The following FLT3 variants were observed in gnomAD, a reference collection of about 807,000 sequenced individuals.
FLT3 encodes the protein fms related receptor tyrosine kinase 3.
Under a neutral mutation model 126.6 loss-of-function variants are expected in FLT3, and 46 were observed. That is an observed-to-expected ratio of 0.36 (90% CI 0.29 to 0.46). The LOEUF (loss-of-function observed/expected upper bound fraction) is 0.46, where lower values mean the gene tolerates loss of function less well. Ranked by LOEUF, FLT3 falls within the 20% of genes least tolerant of loss-of-function variation. FLT3 has a pLI of 1.00. For missense variants in FLT3, 1,069 were observed against 1,190.3 expected (o/e 0.90, Z 1.50); for synonymous variants, 404 against 434.4 (o/e 0.93, Z 0.87).
intron 1 of FLT3, among the ~76,000 whole-genome samples, chr13:28,091,555 G>C (rs1411883887): frequency 6.6e-6 from 1 of 152,062 alleles, no homozygotes; most frequent in African/African-American, 2.4e-5. Flanking sequence ...GAGGGCAGTA[G>C]ACTGGGTAAC....
intron 18 of FLT3, among the ~76,000 whole-genome samples, chr13:28,024,295 C>T (rs1235313923): frequency 6.6e-6 from 1 of 152,036 alleles, no homozygotes; most frequent in Non-Finnish European, 1.5e-5. Context: ...CCATACCCAG[C>T]TAATTTTTGT....
At chr13:28,016,637 C>T (rs1291922352) in intron 20 of FLT3, among the ~76,000 whole-genome samples, 2 of 152,168 alleles carry the variant, frequency 1.3e-5, no homozygotes, top group African/African-American at 4.8e-5. Context: ...CATGCTTAAT[C>T]AGCCAAGTAA....
At chr13:28,010,516 A>T (rs1033760402) in intron 23 of FLT3, among the ~76,000 whole-genome samples, 1 of 152,218 alleles carries the variant, frequency 6.6e-6, no homozygotes, top group Non-Finnish European at 1.5e-5. Context: ...ATGTTTGTCC[A>T]TCCTAAAAAT....
chr13:28,036,114 T>C, intron 10 of FLT3, 71 bp from the exon 11 acceptor site: 7 of 1,303,880 alleles, frequency 5.4e-6, no homozygotes, highest in Non-Finnish European at 7.8e-6. Context: ...TACCAATACT[T>C]TGTGAAGCCA....
chr13:28,015,185 C>T lies in FLT3; in HGVS notation c.2725G>A (p.Asp909Asn), dbSNP rs201504848. The T allele has an allele frequency of 6.2e-7, 1 of 1,609,380 alleles. No individual in the cohort carries two copies. The highest frequency in any genetic ancestry group is 8.5e-7 in the Non-Finnish European group (1 of 1,175,948). The change falls in exon 22 of 24, where the codon GAT (aspartate) becomes AAT (asparagine). Residue 909 changes from aspartate to asparagine, a missense_variant. Physicochemically the swap from Asp to Asn is conservative, Grantham distance 23. Transcript: ENST00000241453. ...YKLIQNGFKM[D>N]QPFYATEEIY... ...TCTTCTGTAGCATAAAATGGCTGAT[C>T]CATTTTAAATCCATTTTGAATCAGT... is the stretch of plus-strand genomic sequence containing the variant.
chr13:28,022,056 G>A (rs1455173272), intron 19 of FLT3, among the ~76,000 whole-genome samples: 1 of 149,836 alleles, frequency 6.7e-6, no homozygotes, highest in Admixed American at 6.7e-5. Context: ...TTATTTTTTA[G>A]AGAAAGAGAC....
In FLT3 at chr13:28,010,476, A is replaced by G. The variant is rs1414136194; in HGVS notation, c.2859+3976T>C. Among the ~76,000 whole-genome samples, 10 of 152,338 alleles carry G rather than the reference A, an allele frequency of 6.6e-5. No individual in the cohort carries two copies. In the South Asian group the frequency reaches 1.2e-3, roughly 19 times the overall value. ...TGGGGGAGGCTTTGCAGAGCACAGA[A>G]TATTTGATCTGGTTCTTAAAGATTG... On this transcript the variant is annotated intron_variant, in intron 23 of 23. Transcript: ENST00000241453.
intron 9 of FLT3, among the ~76,000 whole-genome samples, chr13:28,044,884 T>C (rs914857390): frequency 6.6e-6 from 1 of 152,238 alleles, no homozygotes; most frequent in African/African-American, 2.4e-5. Flanking sequence ...GATATGATGA[T>C]GAATTCATTC....
intron 1 of FLT3, among the ~76,000 whole-genome samples, chr13:28,099,677 G>A (rs1879693719): frequency 6.6e-6 from 1 of 152,086 alleles, no homozygotes; most frequent in South Asian, 2.1e-4. Context: ...ATTCGATTCA[G>A]TCCTCTCATC....
At chr13:28,060,597 G>GACTTA (rs10629302) in intron 3 of FLT3, among the ~76,000 whole-genome samples, 147,705 of 151,960 alleles carry the variant, frequency 0.97, 71,912 homozygotes, top group Non-Finnish European at 1. Context: ...TAACTTAATA[G>GACTTA]ACTTGTTTCT....
At chr13:28,079,098 C>G (rs1235943867) in intron 1 of FLT3, among the ~76,000 whole-genome samples, 1 of 152,162 alleles carries the variant, frequency 6.6e-6, no homozygotes, top group African/African-American at 2.4e-5. Context: ...AATGCCTTTA[C>G]AAGTACTCAA....
At chr13:28,006,432 T>G (rs1023825404) in intron 23 of FLT3, among the ~76,000 whole-genome samples, 1 of 152,070 alleles carries the variant, frequency 6.6e-6, no homozygotes, top group African/African-American at 2.4e-5. Flanking sequence ...TAACTACTCA[T>G]GCGTGCCTTT....
intron 1 of FLT3, among the ~76,000 whole-genome samples, chr13:28,090,928 G>T (rs1878990609): frequency 6.6e-6 from 1 of 152,088 alleles, no homozygotes. Flanking sequence ...CTTTGGAATT[G>T]AAAAAGAGCT....
At chr13:28,008,890 C>G (rs997755757) in intron 23 of FLT3, among the ~76,000 whole-genome samples, 3 of 152,096 alleles carry the variant, frequency 2.0e-5, no homozygotes, top group African/African-American at 7.2e-5. Flanking sequence ...ATGTTAACAA[C>G]TTTATTTATT....
chr13:28,004,588 G>A (rs865789044), intron 23 of FLT3, among the ~76,000 whole-genome samples: 2 of 152,144 alleles, frequency 1.3e-5, no homozygotes, highest in African/African-American at 4.8e-5. Context: ...GATTACAGGT[G>A]TGAGCCACTA....
intron 16 of FLT3, among the ~76,000 whole-genome samples, chr13:28,027,490 C>T (rs923449569): frequency 7.2e-5 from 11 of 152,220 alleles, no homozygotes; most frequent in African/African-American, 2.7e-4. Context: ...CTCACCAATA[C>T]CACTGGCCTC....
At chr13:28,075,582 G>A (rs747938758) in intron 1 of FLT3, among the ~76,000 whole-genome samples, 3 of 151,760 alleles carry the variant, frequency 2.0e-5, no homozygotes, top group Non-Finnish European at 4.4e-5. Context: ...AAAATTAGCC[G>A]GGTGAAGTGG....
intron 23 of FLT3, among the ~76,000 whole-genome samples, chr13:28,007,471 C>G (rs1794230016): frequency 6.6e-6 from 1 of 151,806 alleles, no homozygotes; most frequent in Admixed American, 6.6e-5. Context: ...GGTCTCAAAC[C>G]TCTGAGCCCA....
intron 19 of FLT3, among the ~76,000 whole-genome samples, chr13:28,022,101 G>A (rs547192316): frequency 2.2e-4 from 34 of 151,882 alleles, no homozygotes; most frequent in Admixed American, 4.6e-4. Flanking sequence ...GCAGTGGTGC[G>A]ATCCTAGCTC....
Sources: gnomAD v4.1 joint callset for allele counts (sites outside exome capture counted in the v4.1 genomes callset) on GRCh38, gnomAD v4.1.1 for gene constraint, MANE v1.5 for transcripts, NCBI Gene and HGNC (gene_info 2026-07-23, HGNC 2026-07-21) for gene names.